The following ERCC6 variants were observed in gnomAD, a reference collection of about 807,000 sequenced individuals.
The protein encoded by ERCC6 is ERCC excision repair 6, chromatin remodeling factor, also known as DNA excision repair protein ERCC-6.
In ERCC6, 116 loss-of-function variants were observed where a neutral mutation model predicts 158.7. The ratio of observed to expected loss-of-function variants is 0.73; its 90% CI spans 0.63 to 0.85. The LOEUF (loss-of-function observed/expected upper bound fraction) is 0.85. ERCC6 is among the 40% of genes least tolerant of loss of function. The probability of loss-of-function intolerance (pLI) is 0.00; values close to 1 mark genes in which losing one functional copy is unlikely to be tolerated. For missense variants in ERCC6, 1,698 were observed against 1,799.4 expected (o/e 0.94, Z 1.02); for synonymous variants, 678 against 659.3 (o/e 1.03, Z -0.43).
Position 49,470,544 on chromosome 10 carries a change from G to C in ERCC6, c.3416C>G (p.Ser1139Cys). The C allele has an allele frequency of 3.1e-6, 5 of 1,614,174 alleles. No individual in the cohort carries two copies. Among genetic ancestry groups the C allele is most frequent in the South Asian group, 1.1e-5 (1 of 91,080 alleles). The change falls in exon 18 of 21, where the codon TCT becomes TGT. Residue 1139 changes from serine (S) to cysteine (C), a missense_variant. Physicochemically the swap from Ser to Cys is moderately radical, Grantham distance 112 (BLOSUM62 -1). Coordinates refer to ENST00000355832, the MANE Select transcript of ERCC6 (RefSeq NM_000124.4). ...CSNSSGTGKT[S>C]MPSGDESIDE... The stretch of plus-strand genomic sequence containing the variant: ...AATGCTTTCATCACCAGATGGCATA[G>C]AAGTTTTGCCTGTTCCTGAAGAATT...
intron 1 of ERCC6, among the ~76,000 whole-genome samples, chr10:49,537,936 G>T (rs557167937): frequency 6.6e-6 from 1 of 152,288 alleles, no homozygotes; most frequent in South Asian, 2.1e-4. Context: ...TGGTAAGGCT[G>T]GTCTCGAACT....
chr10:49,474,338 A>G (rs1850837273), intron 12 of ERCC6, 96 bp from the exon 13 acceptor site: 1 of 920,314 alleles, frequency 1.1e-6, no homozygotes, highest in Admixed American at 1.8e-5. Context: ...ACAGACTAAA[A>G]AACAGTTCTC....
chr10:49,476,269 G>A lies in ERCC6; in HGVS notation c.2328C>T (p.Tyr776=). 1.2e-6 allele frequency: 2 copies of A among 1,613,770 alleles called. No homozygotes were observed. The highest frequency in any genetic ancestry group is 2.2e-5 in the South Asian group (2 of 91,056). The change falls in exon 12 of 21, where the codon TAC becomes TAT. Residue 776 remains tyrosine, a synonymous_variant. Transcript: ENST00000355832. The stretch of plus-strand genomic sequence containing the variant: ...CTTCTTTGGAATCAACGAAATTTTG[G>A]TAGACTTTATGCTGCTCATCTGTAA... ...CRLTDEQHKV[Y]QNFVDSKEVY... is the part of the protein sequence containing the mutation.
At chr10:49,466,505 A>G (rs1460362693) in intron 18 of ERCC6, among the ~76,000 whole-genome samples, 1 of 152,206 alleles carries the variant, frequency 6.6e-6, no homozygotes, top group Non-Finnish European at 1.5e-5. Flanking sequence ...ATATGCAATA[A>G]CTGCTAAAGT....
intron 8 of ERCC6, among the ~76,000 whole-genome samples, chr10:49,483,773 T>C (rs1366037642): frequency 1.3e-5 from 2 of 151,258 alleles, no homozygotes; most frequent in Non-Finnish European, 2.9e-5. Flanking sequence ...TATATACATA[T>C]ATTAAATTAT....
At chr10:49,516,687 G>A (rs1163387917) in intron 5 of ERCC6, 3 of 1,614,216 alleles carry the variant, frequency 1.9e-6, no homozygotes, top group Admixed American at 1.7e-5. Flanking sequence ...AAGAATTTCT[G>A]TGGGAGTTCT....
At chr10:49,537,889 A>C (rs750147682) in intron 1 of ERCC6, among the ~76,000 whole-genome samples, 1 of 152,020 alleles carries the variant, frequency 6.6e-6, no homozygotes, top group African/African-American at 2.4e-5. Context: ...TGCCCGGCTA[A>C]TTTTTCGTAT....
intron 7 of ERCC6, among the ~76,000 whole-genome samples, chr10:49,494,939 G>C (rs1851239047): frequency 6.6e-6 from 1 of 152,138 alleles, no homozygotes; most frequent in Admixed American, 6.5e-5. Flanking sequence ...AGGTTTCTAG[G>C]TGTACCATAC....
At chr10:49,512,972 C>T (rs973350297) in intron 5 of ERCC6, among the ~76,000 whole-genome samples, 2 of 152,192 alleles carry the variant, frequency 1.3e-5, no homozygotes, top group African/African-American at 4.8e-5. Context: ...CCTTTTCATA[C>T]GTATGAGTAT....
At chr10:49,517,546 C>T (rs1837018141) in intron 5 of ERCC6, among the ~76,000 whole-genome samples, 1 of 152,078 alleles carries the variant, frequency 6.6e-6, no homozygotes, top group African/African-American at 2.4e-5. Context: ...TAATGGAACA[C>T]TAGGCATAAA....
At chr10:49,520,311 G>C (rs1287278996) in intron 5 of ERCC6, among the ~76,000 whole-genome samples, 2 of 152,114 alleles carry the variant, frequency 1.3e-5, no homozygotes, top group African/African-American at 4.8e-5. Context: ...CTGTGGGTGG[G>C]GAAGCTTTGC....
chr10:49,500,472 C>T, intron 7 of ERCC6, 66 bp downstream of exon 7: 1 of 1,523,700 alleles, frequency 6.6e-7, no homozygotes, highest in East Asian at 2.2e-5. Flanking sequence ...CCCTCCTCCA[C>T]AGCAATACAT....
Position 49,500,711 on chromosome 10 carries a change from A to T in ERCC6, c.1527-15T>A. 1 of 1,613,096 alleles carries T rather than the reference A, an allele frequency of 6.2e-7. No individual in the cohort carries two copies. The highest frequency in any genetic ancestry group is 8.5e-7 in the Non-Finnish European group (1 of 1,179,710). On this transcript the variant is annotated splice_polypyrimidine_tract_variant and intron_variant, in intron 6 of 20. Transcript: ENST00000355832. ...TCTGCTGGTACCTATGACAACAAAC[A>T]CCAACAAGAAAAGAGAAAATGGCAA...
intron 5 of ERCC6, among the ~76,000 whole-genome samples, chr10:49,520,003 CAT>C (rs1170734029): frequency 6.6e-6 from 1 of 152,234 alleles, no homozygotes; most frequent in African/African-American, 2.4e-5. Context: ...TGATCTATGA[CAT>C]ACAGCATTTA....
rs41309397 is a variant in ERCC6 at position 49,460,267 on chromosome 10, T to C, written c.4062+106A>G. 5,676 of 795,442 alleles carry C rather than the reference T, an allele frequency of 7.1e-3. 42 individuals are homozygous for C. Among genetic ancestry groups the C allele is most frequent in the Non-Finnish European group, 0.01 (4,494 of 447,264 alleles). The allele number at this position is 795,442 out of a possible 1,614,324, so 49.3% of individuals were successfully genotyped here. A position where few individuals can be genotyped will look rare whatever the true frequency, so the allele number is the denominator to read the frequency against. Reference sequence around the variant, plus strand: ...GTGCAACACAAATATCAGGTGTCATTACACCAGAGATGACCATTTTCTTCA... The same window carrying C: ...GTGCAACACAAATATCAGGTGTCATCACACCAGAGATGACCATTTTCTTCA... On this transcript the variant is annotated intron_variant, in intron 20 of 20. Coordinates refer to ENST00000355832, the MANE Select transcript of ERCC6 (RefSeq NM_000124.4).
Position 49,471,049 on chromosome 10 carries a change from T to A in ERCC6, c.2996A>T (p.Asn999Ile). Residue 999 changes from asparagine to isoleucine, a missense_variant, in exon 17 of 21, where the codon AAT becomes ATT. Physicochemically the swap from Asn to Ile is moderately radical, Grantham distance 149. Coordinates refer to ENST00000355832, the MANE Select transcript of ERCC6 (RefSeq NM_000124.4). ...CAGAGTAAATAGCTCATAGAGATCA[T>A]TGGATTTGAAAAACCGCCTTTGTTT... Reference protein sequence around the residue: ...DPKQRRFFKSNDLYELFTLTS... With the variant: ...DPKQRRFFKSIDLYELFTLTS... 8 of 1,614,128 alleles carry A rather than the reference T, an allele frequency of 5.0e-6. No individual in the cohort carries two copies. Among genetic ancestry groups the A allele is most frequent in the Non-Finnish European group, 6.8e-6 (8 of 1,179,998 alleles).
At chr10:49,513,182 G>A (rs896200332) in intron 5 of ERCC6, among the ~76,000 whole-genome samples, 1 of 152,128 alleles carries the variant, frequency 6.6e-6, no homozygotes, top group Non-Finnish European at 1.5e-5. Flanking sequence ...CCATCTTACA[G>A]GTGAGTGGAT....
chr10:49,482,539 A>T lies in ERCC6; in HGVS notation c.2169+148T>A, dbSNP rs1476855888. 11 of 469,682 alleles carry T rather than the reference A, an allele frequency of 2.3e-5. No homozygotes were observed. In the East Asian group the frequency reaches 3.1e-4, roughly 13 times the overall value. The allele number at this position is 469,682 out of a possible 1,614,324, so 29.1% of individuals were successfully genotyped here. A position where few individuals can be genotyped will look rare whatever the true frequency, so the allele number is the denominator to read the frequency against. On this transcript the variant is annotated intron_variant, in intron 10 of 20. Coordinates refer to ENST00000355832, the MANE Select transcript of ERCC6 (RefSeq NM_000124.4). ...ATGATCAAGCAAAGATAATTTTGTG[A>T]TTTTTTTTTTTTTTTTTTAACCAGA...
intron 6 of ERCC6, chr10:49,502,374 T>C (rs1443442317): frequency 6.6e-6 from 1 of 152,188 alleles, no homozygotes; most frequent in Non-Finnish European, 1.5e-5. Flanking sequence ...GTAGTACAGA[T>C]ACAAGATCAT....
Sources: allele counts gnomAD v4.1 joint callset (sites outside exome capture counted in the v4.1 genomes callset), GRCh38; gene constraint gnomAD v4.1.1; transcripts MANE v1.5; gene names NCBI Gene and HGNC (gene_info 2026-07-23, HGNC 2026-07-21).